Variants in NOS1 observed in about 807,000 individuals in gnomAD.
NOS1 encodes the protein NOS type I.
Under a neutral mutation model 164.5 loss-of-function variants are expected in NOS1, and 51 were observed. That is an observed-to-expected ratio of 0.31 (90% CI 0.25 to 0.39). The LOEUF (loss-of-function observed/expected upper bound fraction) is 0.39, where lower values mean the gene tolerates loss of function less well. NOS1 is among the 10% of genes least tolerant of loss of function. The pLI, the probability that NOS1 is intolerant of heterozygous loss-of-function variation, is 1.00. For synonymous variants in NOS1, 719 were observed against 745.8 expected, an observed-to-expected ratio of 0.96 and a Z score of 0.59; for missense variants, 1,362 against 1,885.6, an observed-to-expected ratio of 0.72 and a Z score of 5.14.
At position 117,226,782 on chromosome 12, in the gene NOS1, A is replaced by G. The variant is rs1868714965; in HGVS notation, c.3617-12T>C. The G allele has an allele frequency of 1.9e-6, 3 of 1,611,434 alleles. No homozygotes were observed. Among genetic ancestry groups the G allele is most frequent in the Non-Finnish European group, 2.5e-6 (3 of 1,178,036 alleles). ...TGGTCCTTCTCCATCTAGTAGAATA[A>G]CCAAGGCAGTCAGGGCCACCCACTG... is the stretch of plus-strand genomic sequence containing the variant. On this transcript the variant is annotated splice_polypyrimidine_tract_variant and intron_variant, in intron 23 of 28. Coordinates refer to ENST00000317775, the MANE Select transcript of NOS1 (RefSeq NM_000620.5).
At chr12:117,329,151 T>C (rs536498600) in intron 2 of NOS1, among the ~76,000 whole-genome samples, 1 of 152,340 alleles carries the variant, frequency 6.6e-6, no homozygotes, top group South Asian at 2.1e-4. Flanking sequence ...TTTATATATT[T>C]ATCTTATTTA....
intron 1 of NOS1, among the ~76,000 whole-genome samples, chr12:117,350,879 C>T (rs150743705): frequency 2.6e-5 from 4 of 152,046 alleles, no homozygotes; most frequent in Non-Finnish European, 5.9e-5. Context: ...TTTGGGAGGC[C>T]GAGGCGGGCG....
At chr12:117,281,503 G>C (rs1873653193) in intron 7 of NOS1, among the ~76,000 whole-genome samples, 1 of 111,392 alleles carries the variant, frequency 9.0e-6, no homozygotes, top group South Asian at 3.2e-4. Flanking sequence ...CTGGGCGACA[G>C]AGCGAGACTC....
At chr12:117,353,970 T>C (rs59756500) in intron 1 of NOS1, among the ~76,000 whole-genome samples, 2,029 of 152,032 alleles carry the variant, frequency 0.013, 49 homozygotes, top group African/African-American at 0.046. Flanking sequence ...AAAAAACCAA[T>C]GAAACAAACA....
chr12:117,211,285 T>C lies in NOS1; in HGVS notation c.*4024A>G. On this transcript the variant is annotated 3_prime_UTR_variant, in exon 29 of 29. Transcript: ENST00000317775. ...CAAGATGCTTTAATTTCTCCTTTAT[T>C]CTCACCCTCTACAATGGATGGGGTG... is the stretch of plus-strand genomic sequence containing the variant. 1 of 985,280 alleles carries C rather than the reference T, an allele frequency of 1.0e-6. No homozygotes were observed. 61.0% of individuals were successfully genotyped at this position (985,280 alleles called of 1,614,324 possible). A position where few individuals can be genotyped will look rare whatever the true frequency, so the allele number is the denominator to read the frequency against.
Position 117,222,882 on chromosome 12 carries a change from TTA to T in NOS1, c.3827-21_3827-20del, listed in dbSNP as rs1285074396. 4 of 1,609,856 alleles carry T rather than the reference TTA, an allele frequency of 2.5e-6. No homozygotes were observed. The highest frequency in any genetic ancestry group is 3.4e-6 in the Non-Finnish European group (4 of 1,178,074). On this transcript the variant is annotated intron_variant, in intron 25 of 28. Coordinates refer to ENST00000317775, the MANE Select transcript of NOS1 (RefSeq NM_000620.5). ...TTCATTCCTGGGGACCAGGAAGACCTTATGTCACCGATGGCTCTCTGCCTGAT... is the reference window on the plus strand; with the variant it reads ...TTCATTCCTGGGGACCAGGAAGACCTTGTCACCGATGGCTCTCTGCCTGAT...
chr12:117,253,049 T>G (rs540038392), intron 17 of NOS1, among the ~76,000 whole-genome samples: 1 of 152,204 alleles, frequency 6.6e-6, no homozygotes, highest in Non-Finnish European at 1.5e-5. Context: ...TCATAGTATG[T>G]GACTACGCCA....
chr12:117,327,182 T>G lies in NOS1; in HGVS notation c.725+3163A>C, dbSNP rs141720069. ...TCAGCTGCCCATGGGAAGGGGACTC[T>G]GCTTATATAAAGTAAGACAGAGCTC... On this transcript the variant is annotated intron_variant, in intron 2 of 28. Coordinates refer to ENST00000317775, the MANE Select transcript of NOS1 (RefSeq NM_000620.5). Among the ~76,000 whole-genome samples the G allele has an allele frequency of 6.8e-3, 1,033 of 152,306 alleles. 4 individuals are homozygous for G. Among genetic ancestry groups the G allele is most frequent in the Non-Finnish European group, 0.012 (819 of 68,022 alleles).
chr12:117,309,418 T>C (rs1874318987), intron 3 of NOS1: 10 of 983,708 alleles, frequency 1.0e-5, no homozygotes, highest in Non-Finnish European at 1.2e-5. Context: ...CCGCTGAAGC[T>C]GTGTAGAGAA....
chr12:117,234,179 G>A lies in NOS1; in HGVS notation c.3235+386C>T, dbSNP rs1368016588. Among the ~76,000 whole-genome samples, 1 of 152,228 alleles carries A rather than the reference G, an allele frequency of 6.6e-6. No individual in the cohort carries two copies. Among genetic ancestry groups the A allele is most frequent in the Non-Finnish European group, 1.5e-5 (1 of 68,046 alleles). ...CCTATAGTACCTTTTGATTCTAAGA[G>A]GAGGCAGGATCAGACTTCAGCTGTT... On this transcript the variant is annotated intron_variant, in intron 21 of 28. Transcript: ENST00000317775. This position sits in a 1 kb window ranked among gnomAD's most constrained non-coding sequence, Gnocchi z 4.3.
chr12:117,253,518 T>C (rs1871236451), intron 17 of NOS1, 120 bp downstream of exon 17: 1 of 706,502 alleles, frequency 1.4e-6, no homozygotes, highest in African/African-American at 1.8e-5. Context: ...ATGCAGCTGG[T>C]TTTATGAGAA....
intron 3 of NOS1, among the ~76,000 whole-genome samples, chr12:117,301,653 C>T (rs529741681): frequency 9.6e-4 from 146 of 152,150 alleles, no homozygotes; most frequent in Non-Finnish European, 1.6e-3. Flanking sequence ...ACTCAAGGCC[C>T]TCCTGCTCTT....
chr12:117,291,965 G>A (rs372347533), intron 3 of NOS1, among the ~76,000 whole-genome samples: 3 of 152,138 alleles, frequency 2.0e-5, no homozygotes, highest in Non-Finnish European at 2.9e-5. Context: ...ACCCTGATGC[G>A]AAAGCCAAGC....
chr12:117,238,850 C>T (rs1461277150), intron 20 of NOS1, among the ~76,000 whole-genome samples: 1 of 151,968 alleles, frequency 6.6e-6, no homozygotes, highest in African/African-American at 2.4e-5. Flanking sequence ...CTTTTAACCT[C>T]AAATAAATAA....
At chr12:117,337,252 A>T (rs151267345) in intron 1 of NOS1, among the ~76,000 whole-genome samples, 1,615 of 151,330 alleles carry the variant, frequency 0.011, 25 homozygotes, top group African/African-American at 0.035. Flanking sequence ...AGTAGCTGGG[A>T]CTACAGACAT....
chr12:117,322,218 C>T (rs1447653519), intron 2 of NOS1, among the ~76,000 whole-genome samples: 1 of 120,472 alleles, frequency 8.3e-6, no homozygotes, highest in African/African-American at 2.9e-5. Flanking sequence ...TTCCCTCCCT[C>T]TTTCCTTCCT....
In NOS1 at chr12:117,213,569, G is replaced by C; in HGVS notation, c.*1740C>G. On this transcript the variant is annotated 3_prime_UTR_variant, in exon 29 of 29. Transcript: ENST00000317775. ...TTCACTTTAACAGTCTCCTGGCCTG[G>C]GCCCTTTGGGGTCTTGGTGCCCCCA... The C allele has an allele frequency of 7.1e-6, 7 of 985,454 alleles. No homozygotes were observed. Among genetic ancestry groups the C allele is most frequent in the Non-Finnish European group, 8.4e-6 (7 of 829,952 alleles). The allele number at this position is 985,454 out of a possible 1,614,324, so 61.0% of individuals were successfully genotyped here. A position where few individuals can be genotyped will look rare whatever the true frequency, so the allele number is the denominator to read the frequency against.
At chr12:117,324,653 T>C (rs1210910185) in intron 2 of NOS1, among the ~76,000 whole-genome samples, 1 of 152,052 alleles carries the variant, frequency 6.6e-6, no homozygotes, top group Non-Finnish European at 1.5e-5. Flanking sequence ...GAGGTAGAGA[T>C]GGCAGTGAGC....
chr12:117,303,081 G>A (rs982709048), intron 3 of NOS1, among the ~76,000 whole-genome samples: 3 of 152,204 alleles, frequency 2.0e-5, no homozygotes, highest in Middle Eastern at 3.4e-3. Context: ...CATCATTACC[G>A]TAAGGCTGAT....
Sources: gnomAD v4.1 joint callset for allele counts (sites outside exome capture counted in the v4.1 genomes callset) on GRCh38, gnomAD v4.1.1 for gene constraint, Gnocchi (gnomAD v3.1) non-coding constraint, MANE v1.5 for transcripts, NCBI Gene and HGNC (gene_info 2026-07-23, HGNC 2026-07-21) for gene names.